The following ASIC2 variants were observed in gnomAD, a reference collection of about 807,000 sequenced individuals.
ASIC2 encodes acid-sensing ion channel 2.
ASIC2 carries 25 observed loss-of-function variants against 57.3 expected under a neutral mutation model. That is an observed-to-expected ratio of 0.44 (90% CI 0.32 to 0.61). ASIC2 has a LOEUF of 0.61. ASIC2 is among the 20% of genes least tolerant of loss of function. The pLI is 0.06. For missense variants in ASIC2, 641 were observed against 738.1 expected, an observed-to-expected ratio of 0.87 and a Z score of 1.52; for synonymous variants, 319 against 307.5, an observed-to-expected ratio of 1.04 and a Z score of -0.39.
At chr17:33,214,519 T>C (rs1418212511) in intron 1 of ASIC2, among the ~76,000 whole-genome samples, 2 of 152,212 alleles carry the variant, frequency 1.3e-5, no homozygotes, top group African/African-American at 4.8e-5. Flanking sequence ...TATCCTTCAA[T>C]TGGTGCTGGT....
At chr17:33,689,700 T>C (rs1029067394) in intron 1 of ASIC2, among the ~76,000 whole-genome samples, 4 of 152,362 alleles carry the variant, frequency 2.6e-5, no homozygotes, top group South Asian at 2.1e-4. Context: ...TCCACAGATA[T>C]ACTTAAGTTA....
At chr17:33,583,926 C>A (rs1049684806) in intron 1 of ASIC2, among the ~76,000 whole-genome samples, 2 of 151,826 alleles carry the variant, frequency 1.3e-5, no homozygotes, top group African/African-American at 4.8e-5. Context: ...AGGTCCCAGG[C>A]AGACATGTTC....
At chr17:33,301,017 T>C (rs866023475) in intron 1 of ASIC2, among the ~76,000 whole-genome samples, 5,501 of 111,376 alleles carry the variant, frequency 0.049, 349 homozygotes, top group African/African-American at 0.17. Context: ...TTCATTTATT[T>C]ATTTATTTAT....
intron 1 of ASIC2, among the ~76,000 whole-genome samples, chr17:33,480,369 C>T (rs1050673654): frequency 6.6e-6 from 1 of 152,138 alleles, no homozygotes; most frequent in African/African-American, 2.4e-5. Flanking sequence ...AAGGAGGTAA[C>T]AATTCCAGTT....
intron 1 of ASIC2, among the ~76,000 whole-genome samples, chr17:33,831,275 A>G (rs1465621662): frequency 6.6e-6 from 1 of 152,024 alleles, no homozygotes; most frequent in Non-Finnish European, 1.5e-5. Context: ...TACATATCCC[A>G]TTAAGTCATG....
intron 1 of ASIC2, among the ~76,000 whole-genome samples, chr17:33,507,409 C>A (rs9902030): frequency 0.94 from 142,701 of 152,224 alleles, 67,141 homozygotes; most frequent in Non-Finnish European, 0.98. Context: ...GTTTGTTTCC[C>A]AGGCTGATAT....
At chr17:33,673,395 A>C (rs541271492) in intron 1 of ASIC2, among the ~76,000 whole-genome samples, 1 of 152,356 alleles carries the variant, frequency 6.6e-6, no homozygotes, top group South Asian at 2.1e-4. Flanking sequence ...CTTGAAGCAC[A>C]CACTGTTTTA....
rs191203448 is a variant in ASIC2 at position 33,508,169 on chromosome 17, C to A, written c.556-396102G>T. Among the ~76,000 whole-genome samples the A allele has an allele frequency of 4.5e-3, 682 of 152,096 alleles. 3 individuals carry two copies. Among genetic ancestry groups the A allele is most frequent in the Non-Finnish European group, 4.2e-3 (284 of 68,002 alleles). On this transcript the variant is annotated intron_variant, in intron 1 of 9. Transcript: ENST00000359872. ...TTCTTTTACTTCCGTCCTCTTCCCT[C>A]CATGCCCCTCCTCCCTTGCTCCCTT...
chr17:33,574,885 T>C (rs574848507), intron 1 of ASIC2, among the ~76,000 whole-genome samples: 21 of 151,472 alleles, frequency 1.4e-4, no homozygotes, highest in Admixed American at 3.9e-4. Context: ...CTACAAGATA[T>C]GTGTTAATAT....
chr17:33,427,057 T>C (rs996456210), intron 1 of ASIC2, among the ~76,000 whole-genome samples: 1 of 152,076 alleles, frequency 6.6e-6, no homozygotes, highest in African/African-American at 2.4e-5. Flanking sequence ...CCAGAAACAG[T>C]GATCAAGGTG....
At chr17:33,968,847 CA>C (rs1269160552) in intron 1 of ASIC2, among the ~76,000 whole-genome samples, 1 of 152,342 alleles carries the variant, frequency 6.6e-6, no homozygotes, top group East Asian at 1.9e-4. Context: ...AAGTCAACAA[CA>C]GGGAGCTGGC....
At chr17:33,487,141 G>A (rs924731136) in intron 1 of ASIC2, among the ~76,000 whole-genome samples, 1 of 152,200 alleles carries the variant, frequency 6.6e-6, no homozygotes, top group Non-Finnish European at 1.5e-5. Context: ...AGGTGAAGCA[G>A]AATTTTTTTT....
intron 1 of ASIC2, among the ~76,000 whole-genome samples, chr17:33,925,441 G>A (rs1262611804): frequency 6.6e-6 from 1 of 152,228 alleles, no homozygotes; most frequent in Non-Finnish European, 1.5e-5. Context: ...GCCACATAGA[G>A]CTTCTTTCTT....
intron 1 of ASIC2, among the ~76,000 whole-genome samples, chr17:33,412,756 T>C (rs978864293): frequency 1.3e-5 from 2 of 151,938 alleles, no homozygotes; most frequent in Admixed American, 1.3e-4. Flanking sequence ...CAATGAGAAG[T>C]GGGAGAGACG....
chr17:33,516,104 C>A (rs932391329), intron 1 of ASIC2, among the ~76,000 whole-genome samples: 2 of 144,516 alleles, frequency 1.4e-5, no homozygotes, highest in Admixed American at 7.0e-5. Context: ...GATTCTGTCT[C>A]CAAAACAAAA....
In ASIC2 at chr17:33,960,877, G is replaced by A. The variant is rs550225572; in HGVS notation, c.555+195101C>T. 8.5e-5 allele frequency among the ~76,000 whole-genome samples: 13 copies of A among 152,248 alleles called. No homozygotes were observed. In the South Asian group the frequency reaches 1.9e-3, roughly 22 times the overall value. ...CCTATCCCAGAATATAAGGCCCCGC[G>A]AGAGTCAGATCCGTGCTGCTCTAAT... On this transcript the variant is annotated intron_variant, in intron 1 of 9. Coordinates refer to the ASIC2 transcript ENST00000359872.
chr17:33,722,645 C>CATAG (rs2142084547), intron 1 of ASIC2, among the ~76,000 whole-genome samples: 1 of 151,280 alleles, frequency 6.6e-6, no homozygotes, highest in East Asian at 1.9e-4. Context: ...GTGGCACATA[C>CATAG]ATAGATACTT....
intron 1 of ASIC2, among the ~76,000 whole-genome samples, chr17:33,201,313 C>A (rs73279755): frequency 0.023 from 3,560 of 152,218 alleles, 126 homozygotes; most frequent in African/African-American, 0.081. Flanking sequence ...GAACGAATGT[C>A]TTCTTCAGGG....
chr17:33,122,940 A>AT (rs2092308688), intron 1 of ASIC2, among the ~76,000 whole-genome samples: 1 of 152,170 alleles, frequency 6.6e-6, no homozygotes, highest in African/African-American at 2.4e-5. Context: ...CCACAAGGAG[A>AT]TATCACCTCT....
Sources: allele counts gnomAD v4.1 joint callset (sites outside exome capture counted in the v4.1 genomes callset), GRCh38; gene constraint gnomAD v4.1.1; transcripts MANE v1.5; gene names NCBI Gene and HGNC (gene_info 2026-07-23, HGNC 2026-07-21).